Variants in PTPRT observed in about 807,000 individuals in gnomAD.
The protein encoded by PTPRT is receptor-type tyrosine-protein phosphatase T.
PTPRT carries 56 observed loss-of-function variants against 176.8 expected under a neutral mutation model. That is an observed-to-expected ratio of 0.32 (90% confidence interval 0.26 to 0.40). PTPRT has a LOEUF of 0.40. Ranked by LOEUF, PTPRT falls within the 10% of genes least tolerant of loss-of-function variation. The pLI, the probability that PTPRT is intolerant of heterozygous loss-of-function variation, is 1.00. For synonymous variants in PTPRT, 783 were observed against 739.0 expected, an observed-to-expected ratio of 1.06 and a Z score of -0.96; for missense variants, 1,540 against 1,908.2, an observed-to-expected ratio of 0.81 and a Z score of 3.60.
intron 7 of PTPRT, among the ~76,000 whole-genome samples, chr20:42,645,183 AC>A (rs966394917): frequency 5.9e-5 from 9 of 152,004 alleles, no homozygotes; most frequent in African/African-American, 1.9e-4. Context: ...GGCTGACAAA[AC>A]CCTACCTGCA....
intron 1 of PTPRT, among the ~76,000 whole-genome samples, chr20:42,943,407 C>T (rs117239449): frequency 6.6e-6 from 1 of 152,156 alleles, no homozygotes; most frequent in Non-Finnish European, 1.5e-5. Context: ...TGCCCAATGC[C>T]TAAAGTTGAG....
chr20:42,790,225 A>T (rs535423160), intron 3 of PTPRT, among the ~76,000 whole-genome samples: 53 of 46,946 alleles, frequency 1.1e-3, no homozygotes, highest in Non-Finnish European at 7.3e-5. Context: ...TAACATTGTT[A>T]AAAAAAAAAA....
intron 20 of PTPRT, among the ~76,000 whole-genome samples, chr20:42,119,272 G>A (rs539646890): frequency 1.3e-5 from 2 of 152,064 alleles, no homozygotes; most frequent in African/African-American, 4.8e-5. Flanking sequence ...CTTACCAAGC[G>A]TAACAGTTTT....
chr20:43,149,300 G>T (rs574920571), intron 1 of PTPRT, among the ~76,000 whole-genome samples: 1 of 152,200 alleles, frequency 6.6e-6, no homozygotes, highest in East Asian at 1.9e-4. Context: ...AATAAACTTT[G>T]TCATGAAAAT....
intron 7 of PTPRT, among the ~76,000 whole-genome samples, chr20:42,505,361 G>A (rs1181859380): frequency 6.6e-6 from 1 of 152,102 alleles, no homozygotes; most frequent in African/African-American, 2.4e-5. Flanking sequence ...GAGTGCAGCG[G>A]CGTGATGTCA....
At chr20:42,832,505 C>G (rs535307332) in intron 2 of PTPRT, among the ~76,000 whole-genome samples, 1 of 149,868 alleles carries the variant, frequency 6.7e-6, no homozygotes, top group African/African-American at 2.5e-5. Flanking sequence ...AAACTAAAAG[C>G]TAAAAAAAAA....
At chr20:43,020,311 A>C (rs1985610333) in intron 1 of PTPRT, among the ~76,000 whole-genome samples, 1 of 151,450 alleles carries the variant, frequency 6.6e-6, no homozygotes, top group Non-Finnish European at 1.5e-5. Context: ...AAAAAAATGT[A>C]GAACAAAATA....
At chr20:42,610,694 A>C (rs1245033077) in intron 7 of PTPRT, among the ~76,000 whole-genome samples, 1 of 152,148 alleles carries the variant, frequency 6.6e-6, no homozygotes, top group African/African-American at 2.4e-5. Flanking sequence ...CCTTTGTGAG[A>C]TAAAACTCAC....
intron 16 of PTPRT, among the ~76,000 whole-genome samples, chr20:42,188,375 C>T (rs954476127): frequency 1.3e-5 from 2 of 151,488 alleles, no homozygotes; most frequent in African/African-American, 4.9e-5. Flanking sequence ...GGAGGGGCTG[C>T]GTGATAGGTC....
chr20:42,769,068 G>A (rs569779389), intron 5 of PTPRT, among the ~76,000 whole-genome samples: 3 of 152,292 alleles, frequency 2.0e-5, no homozygotes, highest in Admixed American at 6.5e-5. Flanking sequence ...AACACTAATC[G>A]TAATGAAAAG....
chr20:42,594,034 G>C (rs1481171330), intron 7 of PTPRT, among the ~76,000 whole-genome samples: 1 of 152,152 alleles, frequency 6.6e-6, no homozygotes, highest in Non-Finnish European at 1.5e-5. Context: ...GTACCAGAGA[G>C]TACCGGAGGA....
chr20:42,085,947 TTTTTC>T lies in PTPRT; in HGVS notation c.3847-99_3847-95del, dbSNP rs1983857376. 5 of 1,363,030 alleles carry T rather than the reference TTTTTC, an allele frequency of 3.7e-6. No homozygotes were observed. The Admixed American group carries it at 7.3e-5, about 20-fold the overall frequency. 84.4% of individuals were successfully genotyped at this position (1,363,030 alleles called of 1,614,324 possible). A position where few individuals can be genotyped will look rare whatever the true frequency, so the allele number is the denominator to read the frequency against. ...AACAAGCTTTTCTTTTCTTTTTTTC[TTTTTC>T]TTTTTTTTTTTTGAGATGGAGCATC... is the stretch of plus-strand genomic sequence containing the variant. On this transcript the variant is annotated intron_variant, in intron 27 of 30. Transcript: ENST00000373187.
At chr20:42,237,243 G>C (rs1275928469) in intron 14 of PTPRT, among the ~76,000 whole-genome samples, 1 of 152,176 alleles carries the variant, frequency 6.6e-6, no homozygotes, top group Non-Finnish European at 1.5e-5. Flanking sequence ...ATTAGATTTT[G>C]GGGGTAGTTT....
chr20:42,918,868 C>G lies in PTPRT; in HGVS notation c.89-32936G>C, dbSNP rs1467524588. Among the ~76,000 whole-genome samples the G allele has an allele frequency of 2.0e-5, 3 of 152,152 alleles. No individual in the cohort carries two copies. The East Asian group carries it at 5.8e-4, about 29-fold the overall frequency. ...AGAAAAGATGGGCAAAAAGCTGAAT[C>G]TGGGTGCCCTAAACACAGCCTGTCT... On this transcript the variant is annotated intron_variant, in intron 1 of 30. Coordinates refer to ENST00000373187, the MANE Select transcript of PTPRT (RefSeq NM_007050.6).
chr20:42,712,740 T>C (rs1379608557), intron 6 of PTPRT, among the ~76,000 whole-genome samples: 2 of 152,236 alleles, frequency 1.3e-5, no homozygotes, highest in Non-Finnish European at 2.9e-5. Flanking sequence ...AATTTGGCCA[T>C]ATCTATCAAA....
intron 11 of PTPRT, among the ~76,000 whole-genome samples, chr20:42,347,915 G>A (rs2145501560): frequency 6.6e-6 from 1 of 152,292 alleles, no homozygotes. Context: ...GTTTGTTTGT[G>A]TGTTTGCTTA....
At chr20:42,153,775 C>G (rs1989233080) in intron 17 of PTPRT, among the ~76,000 whole-genome samples, 1 of 152,184 alleles carries the variant, frequency 6.6e-6, no homozygotes, top group African/African-American at 2.4e-5. Flanking sequence ...GCCAGCAACT[C>G]TTCTCTACAC....
At chr20:43,030,146 C>T (rs1253508099) in intron 1 of PTPRT, among the ~76,000 whole-genome samples, 1 of 152,172 alleles carries the variant, frequency 6.6e-6, no homozygotes, top group Non-Finnish European at 1.5e-5. Context: ...ATTGAGAATG[C>T]TTTATAAATT....
intron 4 of PTPRT, among the ~76,000 whole-genome samples, chr20:42,774,798 G>C (rs745626918): frequency 1.3e-5 from 2 of 152,138 alleles, no homozygotes; most frequent in South Asian, 2.1e-4. Flanking sequence ...CAAGACCCTT[G>C]TCTCTGCTCC....
Sources: gnomAD v4.1 joint callset for allele counts (sites outside exome capture counted in the v4.1 genomes callset) on GRCh38, gnomAD v4.1.1 for gene constraint, MANE v1.5 for transcripts, NCBI Gene and HGNC (gene_info 2026-07-23, HGNC 2026-07-21) for gene names.